The following GOLGA5 variants were observed in gnomAD, a reference collection of about 807,000 sequenced individuals.
The protein encoded by GOLGA5 is golgin A5.
GOLGA5 carries 50 observed loss-of-function variants against 93.5 expected under a neutral mutation model. That is an observed-to-expected ratio of 0.53 (90% confidence interval 0.43 to 0.68). GOLGA5 has a LOEUF of 0.68. Among genes scored for constraint, GOLGA5 ranks in the 30% least tolerant of loss-of-function variants. GOLGA5 has a pLI of 0.00. For missense variants in GOLGA5, 760 were observed against 856.4 expected, an observed-to-expected ratio of 0.89 and a Z score of 1.40; for synonymous variants, 312 against 304.5, an observed-to-expected ratio of 1.02 and a Z score of -0.26.
chr14:92,834,741 G>T (rs146468516), intron 10 of GOLGA5, among the ~76,000 whole-genome samples: 485 of 152,314 alleles, frequency 3.2e-3, no homozygotes, highest in Middle Eastern at 0.014. Flanking sequence ...ATCTTGAGAG[G>T]GGGGACTGAT....
chr14:92,817,562 G>A (rs2402200), intron 7 of GOLGA5, among the ~76,000 whole-genome samples: 99,662 of 152,016 alleles, frequency 0.66, 33,100 homozygotes, highest in African/African-American at 0.77. Context: ...CTTAAACTTC[G>A]GGGTCTTTGA....
rs1884667063 is a variant in GOLGA5 at position 92,794,355 on chromosome 14, G to A, written c.-132G>A. On this transcript the variant is annotated 5_prime_UTR_variant, in exon 1 of 13. Coordinates refer to ENST00000163416, the MANE Select transcript of GOLGA5 (RefSeq NM_005113.4). The stretch of plus-strand genomic sequence containing the variant: ...CGGTAGCAGGGCCCCGGCGGGTCGG[G>A]GAGGAGGTTTACTCAGCTTGGGCCC... The A allele has an allele frequency of 6.6e-6, 1 of 152,432 alleles. No homozygotes were observed. The highest frequency in any genetic ancestry group is 1.5e-5 in the Non-Finnish European group (1 of 68,204). The allele number at this position is 152,432 out of a possible 1,614,324, so 9.4% of individuals were successfully genotyped here.
At chr14:92,816,206 A>G in intron 6 of GOLGA5, 45 bp from the exon 7 acceptor site, 2 of 1,347,608 alleles carry the variant, frequency 1.5e-6, no homozygotes, top group Admixed American at 1.9e-5. Context: ...TCAATATACA[A>G]ACTAATCTCT....
intron 2 of GOLGA5, among the ~76,000 whole-genome samples, chr14:92,802,337 TG>T (rs1337061634): frequency 6.6e-6 from 1 of 152,210 alleles, no homozygotes. Context: ...TATTTTTTGT[TG>T]TTTTTTTGTG....
chr14:92,815,485 A>G (rs367874553), intron 6 of GOLGA5, among the ~76,000 whole-genome samples: 1 of 152,102 alleles, frequency 6.6e-6, no homozygotes, highest in African/African-American at 2.4e-5. Flanking sequence ...ACTTAGCACC[A>G]TTTACTTGTT....
intron 2 of GOLGA5, among the ~76,000 whole-genome samples, chr14:92,800,400 ACT>A (rs1437160973): frequency 4.6e-5 from 7 of 152,206 alleles, no homozygotes; most frequent in African/African-American, 9.7e-5. Flanking sequence ...GAGAGAACAG[ACT>A]CTAAGAGGCT....
At chr14:92,795,775 G>T (rs1021771873) in intron 1 of GOLGA5, among the ~76,000 whole-genome samples, 4 of 152,232 alleles carry the variant, frequency 2.6e-5, no homozygotes, top group Admixed American at 6.5e-5. Flanking sequence ...TGAAGCAAAA[G>T]AATAGGGTAT....
chr14:92,818,155 A>G (rs906513837), intron 7 of GOLGA5, among the ~76,000 whole-genome samples: 4 of 152,330 alleles, frequency 2.6e-5, no homozygotes, highest in African/African-American at 9.6e-5. Flanking sequence ...ATATATCAGC[A>G]TCATTAATGA....
In GOLGA5 at chr14:92,833,316, G is replaced by C. The variant is rs762964616; in HGVS notation, c.1914G>C (p.Ser638=). 51 of 1,610,128 alleles carry C rather than the reference G, an allele frequency of 3.2e-5. 1 individual carries two copies. The East Asian group carries it at 1.1e-3, about 36-fold the overall frequency. ...SASGSSSNGS[S]INMSGIDNGE... is the part of the protein sequence containing the mutation. ...CTGGAAGTAGTAGTAATGGGTCTTC[G>C]ATTAATATGTCTGGAATTGACAATG... The change falls in exon 10 of 13, where the codon TCG becomes TCC. Residue 638 remains serine (S), a synonymous_variant. Transcript: ENST00000163416.
intron 3 of GOLGA5, 72 bp downstream of exon 3, chr14:92,807,035 C>T (rs1885002555): frequency 8.6e-6 from 9 of 1,043,636 alleles, no homozygotes; most frequent in South Asian, 2.7e-5. Context: ...CGCAGTGGCT[C>T]GTGCCTGTAA....
chr14:92,831,480 C>G (rs895092768), intron 9 of GOLGA5, among the ~76,000 whole-genome samples: 2 of 151,894 alleles, frequency 1.3e-5, no homozygotes, highest in Non-Finnish European at 2.9e-5. Context: ...TCAGGAAATT[C>G]AAGAATAGGC....
chr14:92,829,930 A>G (rs899471642), intron 9 of GOLGA5, among the ~76,000 whole-genome samples: 1 of 152,194 alleles, frequency 6.6e-6, no homozygotes, highest in African/African-American at 2.4e-5. Context: ...CACCATTCTG[A>G]TCAGTCAGCA....
intron 9 of GOLGA5, among the ~76,000 whole-genome samples, chr14:92,826,697 CAA>C (rs200131503): frequency 2.4e-4 from 24 of 100,994 alleles, no homozygotes; most frequent in East Asian, 2.6e-4. Context: ...GACTCTATCT[CAA>C]AAAAAAAAAA....
intron 2 of GOLGA5, among the ~76,000 whole-genome samples, chr14:92,800,447 CACTG>C (rs1052238589): frequency 3.9e-5 from 6 of 152,150 alleles, no homozygotes; most frequent in Non-Finnish European, 8.8e-5. Context: ...AAGTTGGAAA[CACTG>C]AGTGAGTTGG....
intron 10 of GOLGA5, among the ~76,000 whole-genome samples, chr14:92,834,971 T>G (rs1885609230): frequency 1.3e-5 from 2 of 152,160 alleles, no homozygotes; most frequent in African/African-American, 2.4e-5. Flanking sequence ...TGTTGGCAGA[T>G]GAGATACGGA....
In GOLGA5 at chr14:92,797,341, T is replaced by A. The variant is rs1595587669; in HGVS notation, c.-30-67T>A. 5.5e-6 allele frequency: 5 copies of A among 908,040 alleles called. No homozygotes were observed. The East Asian group carries it at 1.3e-4, about 23-fold the overall frequency. 56.2% of individuals were successfully genotyped at this position (908,040 alleles called of 1,614,324 possible). On this transcript the variant is annotated intron_variant, in intron 1 of 12. Transcript: ENST00000163416. Reference sequence around the variant, plus strand: ...AACCCAGGATTGCCTGACTCCAGAGTCTGGTCTTAACCATTTATCATACTC... The same window carrying A: ...AACCCAGGATTGCCTGACTCCAGAGACTGGTCTTAACCATTTATCATACTC...
chr14:92,818,506 G>A (rs1885253302), intron 7 of GOLGA5, among the ~76,000 whole-genome samples: 1 of 152,196 alleles, frequency 6.6e-6, no homozygotes, highest in South Asian at 2.1e-4. Flanking sequence ...TGCCTCTCAA[G>A]AATTTGCCCG....
intron 9 of GOLGA5, among the ~76,000 whole-genome samples, chr14:92,829,192 G>A (rs1342431548): frequency 6.6e-6 from 1 of 152,040 alleles, no homozygotes; most frequent in Non-Finnish European, 1.5e-5. Context: ...CAAACTCCTA[G>A]GCTCAAGTAA....
intron 1 of GOLGA5, among the ~76,000 whole-genome samples, 193 bp downstream of exon 1, chr14:92,794,649 C>A (rs1052355810): frequency 6.6e-6 from 1 of 152,242 alleles, no homozygotes; most frequent in Non-Finnish European, 1.5e-5. Context: ...TTACTGCCCT[C>A]CTCTGTCTTC....
Sources: gnomAD v4.1 joint callset for allele counts (sites outside exome capture counted in the v4.1 genomes callset) on GRCh38, gnomAD v4.1.1 for gene constraint, MANE v1.5 for transcripts, NCBI Gene and HGNC (gene_info 2026-07-23, HGNC 2026-07-21) for gene names.